Variants in SMARCA4 observed in about 807,000 individuals in gnomAD.
SMARCA4 encodes SWI/SNF related BAF chromatin remodeling complex subunit ATPase 4.
SMARCA4 carries 31 observed loss-of-function variants against 193.9 expected under a neutral mutation model. The ratio of observed to expected loss-of-function variants is 0.16; its 90% CI spans 0.12 to 0.22. SMARCA4 has a LOEUF of 0.22. SMARCA4 is among the 10% of genes least tolerant of loss of function. SMARCA4 has a pLI of 1.00. For synonymous variants in SMARCA4, 942 were observed against 933.1 expected, an observed-to-expected ratio of 1.01 and a Z score of -0.17; for missense variants, 1,148 against 2,296.0, an observed-to-expected ratio of 0.50 and a Z score of 10.22.
intron 15 of SMARCA4, among the ~76,000 whole-genome samples, chr19:11,011,488 G>A (rs928472560): frequency 3.3e-5 from 5 of 152,202 alleles, no homozygotes; most frequent in Non-Finnish European, 7.3e-5. Context: ...GCCTCCCAAA[G>A]TGCTGGGATT....
chr19:11,060,447 A>G lies in SMARCA4; in HGVS notation c.4911+260A>G, dbSNP rs1381587814. On this transcript the variant is annotated intron_variant, in intron 34 of 34. Coordinates refer to ENST00000344626, the MANE Select transcript of SMARCA4 (RefSeq NM_003072.5). ...GGGACTGGGGGACACGTGAGTCCTC[A>G]GGACAGGCAGCAGGCGGTCCCAGGG... 9 of 572,162 alleles carry G rather than the reference A, an allele frequency of 1.6e-5. No individual in the cohort carries two copies. The Middle Eastern group carries it at 1.4e-3, about 90-fold the overall frequency. The allele number at this position is 572,162 out of a possible 1,614,324, so 35.4% of individuals were successfully genotyped here. A position where few individuals can be genotyped will look rare whatever the true frequency, so the allele number is the denominator to read the frequency against.
chr19:11,034,293 C>A lies in SMARCA4; in HGVS notation c.3951+93C>A. The A allele has an allele frequency of 9.8e-7, 1 of 1,019,898 alleles. No individual in the cohort carries two copies. The allele number at this position is 1,019,898 out of a possible 1,614,324, so 63.2% of individuals were successfully genotyped here. A position where few individuals can be genotyped will look rare whatever the true frequency, so the allele number is the denominator to read the frequency against. On this transcript the variant is annotated intron_variant, in intron 28 of 34. Transcript: ENST00000344626. This position sits in a 1 kb window ranked among gnomAD's most constrained non-coding sequence, Gnocchi z 7.0. ...CGTCCTAGTGCCCATGGTGGTATCC[C>A]TAGCAGGTCAGGGAGCCAGGGACAG...
Position 10,987,615 on chromosome 19 carries a change from G to A in SMARCA4, c.860-51G>A, listed in dbSNP as rs2086169553. On this transcript the variant is annotated intron_variant, in intron 5 of 34. Coordinates refer to ENST00000344626, the MANE Select transcript of SMARCA4 (RefSeq NM_003072.5). The surrounding 1 kb of genome is among the most constrained non-coding windows in gnomAD (Gnocchi z 5.3). ...TCAGCAGCTTTCCATTTCCAGCCCG[G>A]GATGGGCCCCAGAGCTCAACATGAC... The A allele has an allele frequency of 6.2e-7, 1 of 1,609,474 alleles. No individual in the cohort carries two copies. The highest frequency in any genetic ancestry group is 1.7e-5 in the Admixed American group (1 of 59,938).
At position 11,039,521 on chromosome 19, in the gene SMARCA4, C is replaced by T. The variant is rs747852149; in HGVS notation, c.4171-1786C>T. 31 of 1,602,292 alleles carry T rather than the reference C, an allele frequency of 1.9e-5. 1 individual carries two copies. The highest frequency in any genetic ancestry group is 1.6e-4 in the South Asian group (14 of 88,580). On this transcript the variant is annotated intron_variant, in intron 29 of 34. Transcript: ENST00000344626. ...TGTGGCACGTGGGCTACAATTCCAG[C>T]GTGGCCTTCAGTTCTGCACACGTGC...
At chr19:10,964,820 T>G (rs2084086141) in intron 1 of SMARCA4, among the ~76,000 whole-genome samples, 1 of 152,048 alleles carries the variant, frequency 6.6e-6, no homozygotes, top group Admixed American at 6.6e-5. Context: ...TTTCACCATG[T>G]TGGCCAGAAC....
At position 11,013,098 on chromosome 19, in the gene SMARCA4, C is replaced by A. The variant is rs1060504452; in HGVS notation, c.2424C>A (p.Ile808=). 2 of 1,614,010 alleles carry A rather than the reference C, an allele frequency of 1.2e-6. No homozygotes were observed. Among genetic ancestry groups the A allele is most frequent in the African/African-American group, 1.3e-5 (1 of 74,912 alleles). The stretch of plus-strand genomic sequence containing the variant: ...AACGCATCAATGGGCCCTTCCTCAT[C>A]ATCGTGCCTCTCTCGTGAGTACCCG... ...EHKRINGPFL[I]IVPLSTLSNW... Residue 808 remains isoleucine, a synonymous_variant, in exon 16 of 35, where the codon ATC becomes ATA. Coordinates refer to ENST00000344626, the MANE Select transcript of SMARCA4 (RefSeq NM_003072.5).
At chr19:11,055,936 T>C (rs1363640345) in intron 30 of SMARCA4, among the ~76,000 whole-genome samples, 1 of 151,880 alleles carries the variant, frequency 6.6e-6, no homozygotes, top group Non-Finnish European at 1.5e-5. Context: ...CTGCTTTTCA[T>C]AGAAGAGACT....
intron 1 of SMARCA4, among the ~76,000 whole-genome samples, chr19:10,962,037 A>G (rs1177969992): frequency 2.6e-5 from 4 of 151,340 alleles, no homozygotes; most frequent in African/African-American, 9.7e-5. Context: ...TAAGCGGAAA[A>G]GCCGCTTCGC....
intron 15 of SMARCA4, 66 bp downstream of exon 15, chr19:11,010,597 C>A (rs1042118667): frequency 1.3e-6 from 2 of 1,520,542 alleles, no homozygotes; most frequent in African/African-American, 1.4e-5. Context: ...CCAGGTGGTG[C>A]GGGCTTCAGA....
At chr19:11,003,652 C>G (rs1052079056) in intron 13 of SMARCA4, among the ~76,000 whole-genome samples, 1 of 152,078 alleles carries the variant, frequency 6.6e-6, no homozygotes, top group Non-Finnish European at 1.5e-5. Flanking sequence ...CTCTTTCACA[C>G]TGGCTGCATT....
chr19:11,036,420 T>G (rs574302522), intron 29 of SMARCA4, among the ~76,000 whole-genome samples: 1 of 152,118 alleles, frequency 6.6e-6, no homozygotes, highest in Non-Finnish European at 1.5e-5. Flanking sequence ...CCAACACGCC[T>G]GGCTAATTTT....
At chr19:11,039,130 G>A (rs1158810318) in intron 29 of SMARCA4, among the ~76,000 whole-genome samples, 2 of 152,102 alleles carry the variant, frequency 1.3e-5, no homozygotes, top group African/African-American at 2.4e-5. Flanking sequence ...GAGGTGGGCA[G>A]ATCACCTGAG....
intron 11 of SMARCA4, among the ~76,000 whole-genome samples, chr19:10,999,472 T>C (rs2087417336): frequency 6.6e-6 from 1 of 151,732 alleles, no homozygotes. Flanking sequence ...GTGTGGGCAA[T>C]ATGGCAAAAC....
chr19:11,061,196 A>G (rs1457784723), intron 34 of SMARCA4, among the ~76,000 whole-genome samples: 1 of 85,914 alleles, frequency 1.2e-5, no homozygotes, highest in African/African-American at 4.5e-5. Flanking sequence ...TTTAAAAAAA[A>G]AAAAAAAAAT....
chr19:11,027,377 G>T (rs2090337350), intron 23 of SMARCA4, among the ~76,000 whole-genome samples: 1 of 152,144 alleles, frequency 6.6e-6, no homozygotes, highest in African/African-American at 2.4e-5. Flanking sequence ...CCTTCCTTCT[G>T]GGTCTAGCAG....
In SMARCA4 at chr19:10,985,060, G is replaced by A. The variant is rs2085896462; in HGVS notation, c.223-213G>A. 6.6e-6 allele frequency among the ~76,000 whole-genome samples: 1 copy of A among 152,160 alleles called. No individual in the cohort carries two copies. Among genetic ancestry groups the A allele is most frequent in the Admixed American group, 6.5e-5 (1 of 15,278 alleles). ...TGACCACAGTCTCCCATATGCTCGT[G>A]CTCCACTGGGCGACATTTATTTTGT... On this transcript the variant is annotated intron_variant, in intron 2 of 34. Coordinates refer to ENST00000344626, the MANE Select transcript of SMARCA4 (RefSeq NM_003072.5). The surrounding 1 kb of genome is among the most constrained non-coding windows in gnomAD (Gnocchi z 4.5).
chr19:10,961,094 A>G lies in SMARCA4; in HGVS notation c.-112A>G, dbSNP rs2083757359. 6.7e-6 allele frequency: 1 copy of G among 148,618 alleles called. No homozygotes were observed. The highest frequency in any genetic ancestry group is 2.4e-5 in the African/African-American group (1 of 40,868). The allele number at this position is 148,618 out of a possible 1,614,324, so 9.2% of individuals were successfully genotyped here. On this transcript the variant is annotated 5_prime_UTR_variant, in exon 1 of 35. Coordinates refer to ENST00000344626, the MANE Select transcript of SMARCA4 (RefSeq NM_003072.5). The stretch of plus-strand genomic sequence containing the variant: ...GCGGCTTCTTTGTTTCGTGAAGAGA[A>G]GCGAGACGCCCATTCTGCCCCCGGC...
chr19:11,003,193 G>A (rs2146101318), intron 12 of SMARCA4, 34 bp downstream of exon 12: 6 of 1,613,792 alleles, frequency 3.7e-6, no homozygotes, highest in Non-Finnish European at 5.1e-6. Flanking sequence ...ATGCAGTGGG[G>A]ATCCAAGTCC....
intron 13 of SMARCA4, 51 bp downstream of exon 13, chr19:11,003,448 A>G (rs1483665002): frequency 1.3e-6 from 2 of 1,499,998 alleles, no homozygotes; most frequent in East Asian, 2.3e-5. Context: ...ACTGGCAGTG[A>G]CTTCCACCCT....
Sources: gnomAD v4.1 joint callset for allele counts (sites outside exome capture counted in the v4.1 genomes callset) on GRCh38, gnomAD v4.1.1 for gene constraint, Gnocchi (gnomAD v3.1) non-coding constraint, MANE v1.5 for transcripts, NCBI Gene and HGNC (gene_info 2026-07-23, HGNC 2026-07-21) for gene names.